DNAH7: variants seen among roughly 807,000 people sequenced by gnomAD.
The protein encoded by DNAH7 is axonemal beta dynein heavy chain 7.
A neutral mutation model predicts 444.6 loss-of-function variants in DNAH7; 397 were observed. That is an observed-to-expected ratio of 0.89 (90% CI 0.82 to 0.97). DNAH7 has a LOEUF of 0.97. Ranked by LOEUF, DNAH7 falls within the 50% of genes least tolerant of loss-of-function variation. The pLI is 0.00. For synonymous variants in DNAH7, 1,636 were observed against 1,624.4 expected, an observed-to-expected ratio of 1.01 and a Z score of -0.17; for missense variants, 4,902 against 4,800.8, an observed-to-expected ratio of 1.02 and a Z score of -0.62.
At chr2:195,839,418 G>C (rs1035049313) in intron 47 of DNAH7, among the ~76,000 whole-genome samples, 2 of 151,630 alleles carry the variant, frequency 1.3e-5, no homozygotes, top group Non-Finnish European at 3.0e-5. Context: ...GATTAGAAAG[G>C]AGAAATCTAG....
At chr2:196,000,555 GA>G (rs1158587506) in intron 12 of DNAH7, 148 bp downstream of exon 12, 9 of 662,334 alleles carry the variant, frequency 1.4e-5, no homozygotes, top group Non-Finnish European at 2.1e-5. Context: ...AGGCCATTTG[GA>G]AAATGGTAGT....
chr2:195,835,574 G>A (rs1338336193), intron 47 of DNAH7, among the ~76,000 whole-genome samples: 1 of 152,054 alleles, frequency 6.6e-6, no homozygotes, highest in Non-Finnish European at 1.5e-5. Flanking sequence ...GGCCGGGTGC[G>A]GTAGCTCATG....
intron 47 of DNAH7, among the ~76,000 whole-genome samples, chr2:195,843,684 C>T (rs1698816275): frequency 6.6e-6 from 1 of 152,106 alleles, no homozygotes; most frequent in Non-Finnish European, 1.5e-5. Flanking sequence ...ACTGCACATA[C>T]CTCAAATTCT....
chr2:195,957,185 C>T (rs1441978576), intron 19 of DNAH7, 76 bp downstream of exon 19: 2 of 1,255,060 alleles, frequency 1.6e-6, no homozygotes, highest in Non-Finnish European at 2.2e-6. Flanking sequence ...ACAATAATGG[C>T]TTATATGGAT....
chr2:195,906,649 C>G lies in DNAH7; in HGVS notation c.4335+10G>C, dbSNP rs757886301. ...AGAAGAAATAGATTATATAATAACT[C>G]CTTCCATACCTTCAGGTTATCTGGC... is the stretch of plus-strand genomic sequence containing the variant. On this transcript the variant is annotated intron_variant, in intron 27 of 64. Coordinates refer to ENST00000312428, the MANE Select transcript of DNAH7 (RefSeq NM_018897.3). The G allele has an allele frequency of 6.2e-7, 1 of 1,606,712 alleles. No homozygotes were observed. The highest frequency in any genetic ancestry group is 1.3e-5 in the African/African-American group (1 of 74,348).
chr2:195,841,119 T>G lies in DNAH7; in HGVS notation c.8945+3883A>C, dbSNP rs958563782. Reference sequence around the variant, plus strand: ...GAACTCAGCAACAAACCCACATGCATGTGAACCAATGATTTTCAACAAAGA... The same window carrying G: ...GAACTCAGCAACAAACCCACATGCAGGTGAACCAATGATTTTCAACAAAGA... On this transcript the variant is annotated intron_variant, in intron 47 of 64. Transcript: ENST00000312428. 2.6e-5 allele frequency among the ~76,000 whole-genome samples: 4 copies of G among 151,866 alleles called. No individual in the cohort carries two copies. In the East Asian group the frequency reaches 7.7e-4, roughly 29 times the overall value.
At chr2:195,747,987 C>T in intron 63 of DNAH7, among the ~76,000 whole-genome samples, 1 of 152,118 alleles carries the variant, frequency 6.6e-6, no homozygotes, top group Admixed American at 6.6e-5. Flanking sequence ...CTGGCCAGGG[C>T]AATCAGGCAG....
At chr2:195,974,139 A>G (rs758709691) in intron 15 of DNAH7, among the ~76,000 whole-genome samples, 2 of 152,150 alleles carry the variant, frequency 1.3e-5, no homozygotes, top group Non-Finnish European at 2.9e-5. Flanking sequence ...ATGAAGACCT[A>G]ACAATGTTTT....
chr2:195,956,938 G>A (rs148675756), intron 19 of DNAH7, among the ~76,000 whole-genome samples: 4 of 152,238 alleles, frequency 2.6e-5, no homozygotes, highest in African/African-American at 7.2e-5. Context: ...CATAACAAGA[G>A]AGCCACAGAA....
chr2:195,961,003 T>C (rs1250505544), intron 17 of DNAH7, 58 bp from the exon 18 acceptor site: 1 of 1,327,236 alleles, frequency 7.5e-7, no homozygotes, highest in African/African-American at 1.5e-5. Context: ...TACTGCAAAT[T>C]AAGTTTTTTT....
chr2:195,738,323 G>T (rs777768180), intron 64 of DNAH7, among the ~76,000 whole-genome samples, 196 bp from the exon 65 acceptor site: 1 of 151,830 alleles, frequency 6.6e-6, no homozygotes, highest in Non-Finnish European at 1.5e-5. Context: ...AATAGTTTTC[G>T]CCTTCTCTTT....
intron 5 of DNAH7, among the ~76,000 whole-genome samples, chr2:196,032,915 A>G (rs139355299): frequency 3.8e-4 from 58 of 152,336 alleles, no homozygotes; most frequent in African/African-American, 1.4e-3. Context: ...ATTACACACA[A>G]TGACTAAGTG....
chr2:195,869,424 C>G (rs1700546212), intron 40 of DNAH7, among the ~76,000 whole-genome samples: 1 of 152,010 alleles, frequency 6.6e-6, no homozygotes, highest in Non-Finnish European at 1.5e-5. Flanking sequence ...AATCTCTGCT[C>G]TCATGGGGCT....
At chr2:195,745,513 A>G (rs1262262789) in intron 63 of DNAH7, among the ~76,000 whole-genome samples, 1 of 152,184 alleles carries the variant, frequency 6.6e-6, no homozygotes, top group Non-Finnish European at 1.5e-5. Context: ...AACGCCACAA[A>G]GATACTCCTC....
intron 5 of DNAH7, among the ~76,000 whole-genome samples, chr2:196,046,066 C>CAA (rs938613349): frequency 6.9e-6 from 1 of 144,546 alleles, no homozygotes; most frequent in Non-Finnish European, 1.5e-5. Flanking sequence ...AACACAGAAA[C>CAA]AAAAAAAAAA....
At chr2:196,043,224 C>A (rs1696883319) in intron 5 of DNAH7, among the ~76,000 whole-genome samples, 1 of 151,390 alleles carries the variant, frequency 6.6e-6, no homozygotes, top group Non-Finnish European at 1.5e-5. Context: ...TCTCTCAAAG[C>A]TTTTTTTAAA....
At chr2:195,900,674 G>C (rs1686648584) in intron 27 of DNAH7, 180 bp from the exon 28 acceptor site, 1 of 553,396 alleles carries the variant, frequency 1.8e-6, no homozygotes, top group South Asian at 2.5e-5. Flanking sequence ...AATGGGGAGA[G>C]GCTGGTTAAC....
chr2:195,994,608 A>T, intron 12 of DNAH7: 1 of 494,648 alleles, frequency 2.0e-6, no homozygotes, highest in East Asian at 4.9e-5. Flanking sequence ...GTAAACCTCA[A>T]TTGGTCCTTG....
intron 10 of DNAH7, among the ~76,000 whole-genome samples, chr2:196,011,560 C>T (rs938740960): frequency 3.3e-5 from 5 of 151,916 alleles, no homozygotes; most frequent in African/African-American, 4.8e-5. Flanking sequence ...AAGATGAGGA[C>T]GATGAAAAGG....
Sources: gnomAD v4.1 joint callset for allele counts (sites outside exome capture counted in the v4.1 genomes callset) on GRCh38, gnomAD v4.1.1 for gene constraint, MANE v1.5 for transcripts, NCBI Gene and HGNC (gene_info 2026-07-23, HGNC 2026-07-21) for gene names.